IQGAP1: variants seen among roughly 807,000 people sequenced by gnomAD.
IQGAP1 encodes the protein ras GTPase-activating-like protein IQGAP1.
IQGAP1 carries 66 observed loss-of-function variants against 215.6 expected under a neutral mutation model. That is an observed-to-expected ratio of 0.31 (90% confidence interval 0.25 to 0.38). The LOEUF (loss-of-function observed/expected upper bound fraction) is 0.38. Ranked by LOEUF, IQGAP1 falls within the 10% of genes least tolerant of loss-of-function variation. IQGAP1 has a pLI of 1.00. For missense variants in IQGAP1, 1,712 were observed against 1,997.1 expected, an observed-to-expected ratio of 0.86 and a Z score of 2.72; for synonymous variants, 772 against 728.7, an observed-to-expected ratio of 1.06 and a Z score of -0.96.
intron 34 of IQGAP1, chr15:90,491,779 A>G: frequency 2.1e-6 from 1 of 468,858 alleles, no homozygotes; most frequent in East Asian, 3.4e-5. Flanking sequence ...TATGACCTTA[A>G]AGAATTTGTC....
intron 23 of IQGAP1, among the ~76,000 whole-genome samples, chr15:90,475,919 T>C (rs1333794068): frequency 6.6e-6 from 1 of 152,094 alleles, no homozygotes; most frequent in East Asian, 1.9e-4. Flanking sequence ...TTCCCTATGA[T>C]AAGTAGTCAT....
chr15:90,462,786 C>A (rs147346428), intron 15 of IQGAP1, among the ~76,000 whole-genome samples: 12 of 152,274 alleles, frequency 7.9e-5, no homozygotes, highest in Non-Finnish European at 1.8e-4. Context: ...CTTCTGGTCC[C>A]TATCTCTTTA....
At chr15:90,428,181 T>G (rs1358709966) in intron 3 of IQGAP1, among the ~76,000 whole-genome samples, 1 of 151,996 alleles carries the variant, frequency 6.6e-6, no homozygotes, top group African/African-American at 2.4e-5. Flanking sequence ...CAAGCAATCC[T>G]CCCACCTCAG....
intron 9 of IQGAP1, among the ~76,000 whole-genome samples, chr15:90,444,784 C>T (rs7175572): frequency 0.019 from 2,857 of 152,262 alleles, 72 homozygotes; most frequent in African/African-American, 0.066. Flanking sequence ...TTCATGCATA[C>T]AGCTCTTTGT....
intron 9 of IQGAP1, among the ~76,000 whole-genome samples, chr15:90,448,288 A>G (rs1427875821): frequency 3.9e-5 from 6 of 152,180 alleles, no homozygotes. Flanking sequence ...TGGTGGCTCC[A>G]TATTGGTGCT....
Position 90,466,276 on chromosome 15 carries a change from A to T in IQGAP1, c.1875A>T (p.Leu625Phe). The T allele has an allele frequency of 2.5e-6, 4 of 1,614,142 alleles. No individual in the cohort carries two copies. The highest frequency in any genetic ancestry group is 3.4e-6 in the Non-Finnish European group (4 of 1,179,968). Residue 625 changes from leucine (L) to phenylalanine (F), a missense_variant, in exon 17 of 38, where the codon TTA (leucine) becomes TTT (phenylalanine). Leu to Phe is a conservative substitution (Grantham distance 22). Coordinates refer to ENST00000268182, the MANE Select transcript of IQGAP1 (RefSeq NM_003870.4). Reference protein sequence around the residue: ...KDTQEAQKFALGIFAINEAVE... With the variant: ...KDTQEAQKFAFGIFAINEAVE... ...AGTTCTTTCCCGAAATAGTTGCCTT[A>T]GGAATCTTTGCCATTAATGAGGCAG...
chr15:90,440,055 G>C (rs777282470), intron 6 of IQGAP1, among the ~76,000 whole-genome samples: 4 of 152,144 alleles, frequency 2.6e-5, no homozygotes, highest in Non-Finnish European at 4.4e-5. Flanking sequence ...ACCAGACCTG[G>C]GGAAAGGACC....
Position 90,499,891 on chromosome 15 carries a change from C to CA in IQGAP1, c.4861-103dup, listed in dbSNP as rs1250523544. The stretch of plus-strand genomic sequence containing the variant: ...CACATCTGGCACACAAGGCAGGCCT[C>CA]AGTCCATCTGGATCCCTCCCTACAT... On this transcript the variant is annotated intron_variant, in intron 37 of 37. Transcript: ENST00000268182. 4 of 724,524 alleles carry CA rather than the reference C, an allele frequency of 5.5e-6. No homozygotes were observed. The African/African-American group carries it at 7.1e-5, about 13-fold the overall frequency. The allele number at this position is 724,524 out of a possible 1,614,324, so 44.9% of individuals were successfully genotyped here. A position where few individuals can be genotyped will look rare whatever the true frequency, so the allele number is the denominator to read the frequency against.
intron 2 of IQGAP1, among the ~76,000 whole-genome samples, chr15:90,421,916 C>T (rs1328881623): frequency 1.3e-5 from 2 of 152,232 alleles, no homozygotes; most frequent in African/African-American, 4.8e-5. Context: ...CCGCGTTGGC[C>T]TCCCAAAGTG....
chr15:90,474,420 T>C, intron 22 of IQGAP1, 65 bp from the exon 23 acceptor site: 2 of 1,238,828 alleles, frequency 1.6e-6, no homozygotes, highest in Non-Finnish European at 2.4e-6. Flanking sequence ...TTCAAGACAA[T>C]GCTATTTCCT....
intron 2 of IQGAP1, among the ~76,000 whole-genome samples, chr15:90,394,682 C>T (rs756881829): frequency 8.5e-5 from 13 of 152,200 alleles, no homozygotes; most frequent in Non-Finnish European, 1.6e-4. Flanking sequence ...ACCTCCACCC[C>T]TCCCAAGTTG....
At chr15:90,394,555 C>G (rs576049657) in intron 2 of IQGAP1, among the ~76,000 whole-genome samples, 34 of 152,262 alleles carry the variant, frequency 2.2e-4, no homozygotes, top group African/African-American at 7.9e-4. Flanking sequence ...TCTTCCAGTT[C>G]TTTCTCCTAC....
At chr15:90,449,086 C>T (rs771250919) in intron 10 of IQGAP1, among the ~76,000 whole-genome samples, 35 of 151,902 alleles carry the variant, frequency 2.3e-4, no homozygotes, top group Non-Finnish European at 3.7e-4. Flanking sequence ...AAAAAAACTG[C>T]ACCTTATTAG....
chr15:90,456,363 C>T (rs1965680442), intron 15 of IQGAP1, 48 bp downstream of exon 15: 1 of 1,584,292 alleles, frequency 6.3e-7, no homozygotes, highest in Non-Finnish European at 8.6e-7. Context: ...CCTCAGCCCT[C>T]CTAGAACAAA....
chr15:90,473,455 G>A (rs1965932942), intron 19 of IQGAP1: 1 of 459,714 alleles, frequency 2.2e-6, no homozygotes, highest in Admixed American at 3.7e-5. Context: ...GTTGTAAGAA[G>A]CCAGTAAATG....
At chr15:90,486,924 C>A in intron 31 of IQGAP1, 30 bp from the exon 32 acceptor site, 1 of 1,608,870 alleles carries the variant, frequency 6.2e-7, no homozygotes. Context: ...CTTTATTACG[C>A]TGACTCTTTC....
chr15:90,440,721 T>G, intron 7 of IQGAP1, 106 bp downstream of exon 7: 2 of 699,970 alleles, frequency 2.9e-6, no homozygotes, highest in Non-Finnish European at 4.9e-6. Context: ...GCCAGCAAGT[T>G]TAAGTCCACA....
chr15:90,420,105 T>G (rs1456385863), intron 2 of IQGAP1, among the ~76,000 whole-genome samples: 1 of 152,226 alleles, frequency 6.6e-6, no homozygotes, highest in East Asian at 1.9e-4. Flanking sequence ...ATTTTACTTA[T>G]GGAATTGTCA....
chr15:90,488,176 G>A (rs1364013526), intron 33 of IQGAP1, among the ~76,000 whole-genome samples: 3 of 151,886 alleles, frequency 2.0e-5, no homozygotes, highest in East Asian at 3.9e-4. Context: ...AGCCAAGATC[G>A]CACCACTGCA....
Sources: allele counts gnomAD v4.1 joint callset (sites outside exome capture counted in the v4.1 genomes callset), GRCh38; gene constraint gnomAD v4.1.1; transcripts MANE v1.5; gene names NCBI Gene and HGNC (gene_info 2026-07-23, HGNC 2026-07-21).